LRP1B: variants seen among roughly 807,000 people sequenced by gnomAD.
The protein encoded by LRP1B is low-density lipoprotein receptor-related protein 1B.
In LRP1B, 217 loss-of-function variants were observed where a neutral mutation model predicts 556.6. The ratio of observed to expected loss-of-function variants is 0.39; its 90% CI spans 0.35 to 0.44. The LOEUF (loss-of-function observed/expected upper bound fraction) is 0.44. LRP1B is among the 20% of genes least tolerant of loss of function. The pLI, the probability that LRP1B is intolerant of heterozygous loss-of-function variation, is 1.00. For synonymous variants in LRP1B, 2,047 were observed against 1,865.8 expected (o/e 1.10, Z -2.50); for missense variants, 5,053 against 5,620.8 (o/e 0.90, Z 3.23).
chr2:140,986,947 G>A (rs1696944054), intron 17 of LRP1B, among the ~76,000 whole-genome samples: 1 of 152,264 alleles, frequency 6.6e-6, no homozygotes, highest in Admixed American at 6.5e-5. Flanking sequence ...CAATAACAAA[G>A]TAACTTCCCA....
chr2:140,923,269 A>T, intron 20 of LRP1B, 122 bp from the exon 21 acceptor site: 1 of 657,658 alleles, frequency 1.5e-6, no homozygotes, highest in Non-Finnish European at 2.6e-6. Flanking sequence ...TTATAATGCT[A>T]GAGAGAATAC....
intron 1 of LRP1B, among the ~76,000 whole-genome samples, chr2:142,063,511 G>A (rs1704994330): frequency 6.6e-6 from 1 of 151,590 alleles, no homozygotes; most frequent in African/African-American, 2.4e-5. Context: ...TCAGCAACAT[G>A]TCTGCCTCTA....
intron 1 of LRP1B, among the ~76,000 whole-genome samples, chr2:142,093,290 G>A (rs1706238271): frequency 1.3e-5 from 2 of 151,942 alleles, no homozygotes; most frequent in South Asian, 2.1e-4. Flanking sequence ...TTCCTAGTTC[G>A]CTGTTTTTTA....
chr2:140,432,682 T>C (rs200655028), intron 66 of LRP1B, among the ~76,000 whole-genome samples: 1 of 152,214 alleles, frequency 6.6e-6, no homozygotes, highest in East Asian at 1.9e-4. Context: ...GAAGAACTTC[T>C]AACAGAGATT....
chr2:141,819,663 A>C (rs1326110428), intron 1 of LRP1B, among the ~76,000 whole-genome samples: 2 of 152,186 alleles, frequency 1.3e-5, no homozygotes, highest in Non-Finnish European at 2.9e-5. Flanking sequence ...AGATAGGAGA[A>C]ATAATTTCTA....
chr2:140,907,139 T>C (rs1225757697), intron 22 of LRP1B, among the ~76,000 whole-genome samples: 1 of 152,124 alleles, frequency 6.6e-6, no homozygotes, highest in African/African-American at 2.4e-5. Context: ...CATCTCATTA[T>C]TGTTCTTATC....
At chr2:141,632,425 G>A (rs929528834) in intron 2 of LRP1B, among the ~76,000 whole-genome samples, 5 of 152,092 alleles carry the variant, frequency 3.3e-5, no homozygotes, top group African/African-American at 1.2e-4. Flanking sequence ...TAATCTGTCA[G>A]TGAAGTATTA....
intron 11 of LRP1B, among the ~76,000 whole-genome samples, chr2:141,038,720 A>G (rs1467689357): frequency 6.6e-6 from 1 of 152,100 alleles, no homozygotes; most frequent in Non-Finnish European, 1.5e-5. Context: ...CGTATTAACT[A>G]ACCTAAGCAA....
intron 7 of LRP1B, among the ~76,000 whole-genome samples, chr2:141,082,858 T>C (rs1458342030): frequency 1.3e-5 from 2 of 152,212 alleles, no homozygotes; most frequent in East Asian, 3.9e-4. Flanking sequence ...GCACAACTCA[T>C]TGTGACCATC....
In LRP1B at chr2:140,908,980, G is replaced by T. The variant is rs185808668; in HGVS notation, c.3320-903C>A. Among the ~76,000 whole-genome samples, 431 of 152,096 alleles carry T rather than the reference G, an allele frequency of 2.8e-3. 9 individuals are homozygous for T. Among genetic ancestry groups the T allele is most frequent in the East Asian group, 0.022 (111 of 5,138 alleles). Reference sequence around the variant, plus strand: ...ATGCCCAGCTAATTTTGTATTTTTAGTAGAGATGGGGTTTCACCATGTTGG... The same window carrying T: ...ATGCCCAGCTAATTTTGTATTTTTATTAGAGATGGGGTTTCACCATGTTGG... On this transcript the variant is annotated intron_variant, in intron 21 of 90. Transcript: ENST00000389484.
intron 6 of LRP1B, among the ~76,000 whole-genome samples, chr2:141,195,439 T>A: frequency 6.6e-6 from 1 of 152,168 alleles, no homozygotes; most frequent in East Asian, 1.9e-4. Context: ...AACTGTAAGA[T>A]AATAATCTTT....
At chr2:141,173,606 G>A (rs938122142) in intron 7 of LRP1B, among the ~76,000 whole-genome samples, 1 of 152,082 alleles carries the variant, frequency 6.6e-6, no homozygotes, top group Non-Finnish European at 1.5e-5. Flanking sequence ...GTGGGGCTAA[G>A]TTTCTCACTT....
intron 17 of LRP1B, among the ~76,000 whole-genome samples, chr2:140,983,711 C>G (rs1573950643): frequency 6.6e-6 from 1 of 151,810 alleles, no homozygotes; most frequent in Non-Finnish European, 1.5e-5. Flanking sequence ...TTAGATTGTT[C>G]CTAGTCTTAG....
Position 140,231,676 on chromosome 2 carries a change from G to A in LRP1B, c.*1510C>T, listed in dbSNP as rs1472567325. Reference sequence around the variant, plus strand: ...CTCAATATGGCAAAGTTTAGAAATAGGTAGTATGCATGCACATAGTACAAC... The same window carrying A: ...CTCAATATGGCAAAGTTTAGAAATAAGTAGTATGCATGCACATAGTACAAC... On this transcript the variant is annotated 3_prime_UTR_variant, in exon 91 of 91. Coordinates refer to ENST00000389484, the MANE Select transcript of LRP1B (RefSeq NM_018557.3). The A allele has an allele frequency of 6.6e-6, 1 of 151,618 alleles. No individual in the cohort carries two copies. Among genetic ancestry groups the A allele is most frequent in the African/African-American group, 2.4e-5 (1 of 41,292 alleles). 9.4% of individuals were successfully genotyped at this position (151,618 alleles called of 1,614,324 possible). A position where few individuals can be genotyped will look rare whatever the true frequency, so the allele number is the denominator to read the frequency against.
chr2:140,953,715 T>G (rs72990188), intron 18 of LRP1B, among the ~76,000 whole-genome samples: 39,079 of 152,074 alleles, frequency 0.26, 6,238 homozygotes, highest in African/African-American at 0.45. Context: ...GAAAAATATA[T>G]GAATAACAAA....
chr2:141,181,754 TA>T (rs1360003928), intron 7 of LRP1B, among the ~76,000 whole-genome samples: 6 of 152,002 alleles, frequency 3.9e-5, no homozygotes, highest in African/African-American at 1.4e-4. Flanking sequence ...GTAATAGAGA[TA>T]TAATTTATAA....
chr2:141,555,768 A>G (rs191156007), intron 2 of LRP1B, among the ~76,000 whole-genome samples: 32 of 152,026 alleles, frequency 2.1e-4, no homozygotes, highest in African/African-American at 6.7e-4. Flanking sequence ...GTGAGTGTAG[A>G]GCACTGTATT....
chr2:141,927,675 C>T (rs1438241557), intron 1 of LRP1B, among the ~76,000 whole-genome samples: 1 of 151,956 alleles, frequency 6.6e-6, no homozygotes, highest in Non-Finnish European at 1.5e-5. Context: ...GTTGTTGCAG[C>T]TAAGAACTCT....
chr2:141,314,810 TTATATATA>T (rs377271635), intron 3 of LRP1B, among the ~76,000 whole-genome samples: 1 of 123,502 alleles, frequency 8.1e-6, no homozygotes, highest in Non-Finnish European at 1.6e-5. Context: ...AAAAAAAAAT[TTATATATA>T]TATATATATG....
Sources: gnomAD v4.1 joint callset for allele counts (sites outside exome capture counted in the v4.1 genomes callset) on GRCh38, gnomAD v4.1.1 for gene constraint, MANE v1.5 for transcripts, NCBI Gene and HGNC (gene_info 2026-07-23, HGNC 2026-07-21) for gene names.